CCDC171: variants seen among roughly 807,000 people sequenced by gnomAD.
CCDC171 encodes coiled-coil domain-containing protein 171.
Under a neutral mutation model 168.2 loss-of-function variants are expected in CCDC171, and 177 were observed. The observed-to-expected ratio is 1.05, with a 90% CI of 0.93 to 1.19. CCDC171 has a LOEUF of 1.19. Ranked by LOEUF, CCDC171 falls within the 50% of genes most tolerant of loss-of-function variation. The probability of loss-of-function intolerance (pLI) is 0.00; values close to 1 mark genes in which losing one functional copy is unlikely to be tolerated. For synonymous variants in CCDC171, 687 were observed against 540.8 expected (o/e 1.27, Z -3.75); for missense variants, 1,991 against 1,539.0 (o/e 1.29, Z -4.91).
intron 11 of CCDC171, among the ~76,000 whole-genome samples, chr9:15,709,479 G>A (rs766643242): frequency 2.6e-5 from 4 of 152,052 alleles, no homozygotes; most frequent in African/African-American, 9.7e-5. Flanking sequence ...ATAATATGGA[G>A]TACCAATGAA....
chr9:15,947,482 T>C (rs1295367348), intron 25 of CCDC171, among the ~76,000 whole-genome samples: 1 of 152,048 alleles, frequency 6.6e-6, no homozygotes, highest in Non-Finnish European at 1.5e-5. Context: ...CCTATTTCAC[T>C]TAGCATAATG....
intron 24 of CCDC171, among the ~76,000 whole-genome samples, chr9:15,895,686 T>G (rs1231282755): frequency 1.3e-5 from 2 of 152,102 alleles, no homozygotes; most frequent in African/African-American, 4.8e-5. Flanking sequence ...AGAACTAAAG[T>G]AATGAAGTTA....
At chr9:15,663,789 G>T (rs1393031168) in intron 8 of CCDC171, among the ~76,000 whole-genome samples, 1 of 151,886 alleles carries the variant, frequency 6.6e-6, no homozygotes, top group African/African-American at 2.4e-5. Flanking sequence ...TGTACTTTTA[G>T]TAGAGATGGG....
intron 2 of CCDC171, among the ~76,000 whole-genome samples, chr9:15,569,109 C>G (rs1027970340): frequency 1.3e-5 from 2 of 152,188 alleles, no homozygotes; most frequent in Non-Finnish European, 2.9e-5. Context: ...TCCTTGTTTT[C>G]TGAAATTTCC....
chr9:15,680,287 A>G (rs1432719007), intron 10 of CCDC171, among the ~76,000 whole-genome samples: 9 of 152,202 alleles, frequency 5.9e-5, no homozygotes, highest in African/African-American at 2.2e-4. Flanking sequence ...TGGAGGGTGT[A>G]AAGTTTATGG....
chr9:15,656,712 C>T (rs755065630), intron 7 of CCDC171, among the ~76,000 whole-genome samples: 1 of 151,950 alleles, frequency 6.6e-6, no homozygotes, highest in Non-Finnish European at 1.5e-5. Context: ...AAAGCAGATT[C>T]GTGATTACTT....
chr9:15,870,562 G>T (rs929247871), intron 23 of CCDC171, among the ~76,000 whole-genome samples: 12 of 151,734 alleles, frequency 7.9e-5, no homozygotes, highest in Non-Finnish European at 1.5e-4. Flanking sequence ...CTTCTTACAT[G>T]TGTTTTTAAG....
At chr9:15,594,331 A>G (rs563626663) in intron 6 of CCDC171, among the ~76,000 whole-genome samples, 159 bp downstream of exon 6, 1 of 152,182 alleles carries the variant, frequency 6.6e-6, no homozygotes, top group Admixed American at 6.6e-5. Context: ...CAATAGGGCA[A>G]CTGTTACCAA....
At chr9:15,931,997 A>G (rs1826578582) in intron 25 of CCDC171, among the ~76,000 whole-genome samples, 1 of 151,992 alleles carries the variant, frequency 6.6e-6, no homozygotes, top group African/African-American at 2.4e-5. Context: ...TGTTTTGCTT[A>G]CTATAGCTTT....
chr9:15,571,426 C>G (rs1450933866), intron 2 of CCDC171, among the ~76,000 whole-genome samples, 198 bp from the exon 3 acceptor site: 2 of 152,108 alleles, frequency 1.3e-5, no homozygotes, highest in Non-Finnish European at 2.9e-5. Context: ...TGCTAGGTAT[C>G]TATCTATATA....
intron 25 of CCDC171, among the ~76,000 whole-genome samples, chr9:15,950,388 C>A (rs560045565): frequency 5.3e-5 from 8 of 152,212 alleles, no homozygotes; most frequent in Admixed American, 4.6e-4. Context: ...GGTCGGGTTA[C>A]CCACAAGAGA....
chr9:15,865,245 T>C (rs991692165), intron 23 of CCDC171, among the ~76,000 whole-genome samples: 2 of 152,022 alleles, frequency 1.3e-5, no homozygotes, highest in Admixed American at 6.6e-5. Flanking sequence ...AACACAACAT[T>C]TATAATAATT....
At chr9:16,079,951 C>T in the CCDC171 span, among the ~76,000 whole-genome samples, 3 of 152,198 alleles carry the variant, frequency 2.0e-5, no homozygotes, top group African/African-American at 7.2e-5. Context: ...ATTCAATAAC[C>T]TGCCCAAAGT....
chr9:15,945,417 A>T (rs1398471947), intron 25 of CCDC171, among the ~76,000 whole-genome samples: 1 of 150,972 alleles, frequency 6.6e-6, no homozygotes, highest in Non-Finnish European at 1.5e-5. Context: ...GCTGGGTCAG[A>T]TGGTATTTCT....
Position 16,059,608 on chromosome 9 carries a change from A to G in CCDC171, n.90-1038A>G, listed in dbSNP as rs371298662. Among the ~76,000 whole-genome samples, 353 of 134,268 alleles carry G rather than the reference A, an allele frequency of 2.6e-3. 2 individuals are homozygous for G. Among genetic ancestry groups the G allele is most frequent in the Middle Eastern group, 9.4e-3 (2 of 212 alleles). The allele number at this position is 134,268 out of a possible 152,430, so 88.1% of individuals were successfully genotyped here. A position where few individuals can be genotyped will look rare whatever the true frequency, so the allele number is the denominator to read the frequency against. ...CGGCTCACTGCAAGCTCCGCTTCCC[A>G]GGTTCACGCCATTCTCCTGCCTCAG... On this transcript the variant is annotated intron_variant and non_coding_transcript_variant, in intron 1 of 1. Coordinates refer to the CCDC171 transcript ENST00000478913.
intron 6 of CCDC171, among the ~76,000 whole-genome samples, chr9:15,594,874 C>T (rs2042231027): frequency 6.6e-6 from 1 of 152,038 alleles, no homozygotes; most frequent in South Asian, 2.1e-4. Flanking sequence ...AGGTAATCCT[C>T]TTTAAGAAAA....
intron 8 of CCDC171, among the ~76,000 whole-genome samples, chr9:15,664,697 T>C (rs1564167259): frequency 6.9e-6 from 1 of 145,080 alleles, no homozygotes; most frequent in Non-Finnish European, 1.5e-5. Context: ...TAGTTTTGTT[T>C]TTTTTTTTTT....
chr9:15,730,398 C>T (rs1038885617), intron 16 of CCDC171, among the ~76,000 whole-genome samples: 1 of 151,856 alleles, frequency 6.6e-6, no homozygotes, highest in African/African-American at 2.4e-5. Flanking sequence ...CACAAATTAT[C>T]ATCAACATTA....
At position 15,591,473 on chromosome 9, in the gene CCDC171, G is replaced by C. The variant is rs1411729626; in HGVS notation, c.460G>C (p.Glu154Gln). 1 of 1,608,272 alleles carries C rather than the reference G, an allele frequency of 6.2e-7. No homozygotes were observed. The highest frequency in any genetic ancestry group is 2.2e-5 in the East Asian group (1 of 44,722). ...CAGAAGATTTGAACATGATTTGGAG[G>C]AAAGAGACAATATGATCCAAAATTG... ...ECRRFEHDLE[E>Q]RDNMIQNCNR... is the part of the protein sequence containing the mutation. Residue 154 changes from glutamate (E) to glutamine (Q), a missense_variant, in exon 5 of 26, where the codon GAA (glutamate) becomes CAA (glutamine). Coordinates refer to ENST00000380701, the MANE Select transcript of CCDC171 (RefSeq NM_173550.4).
Sources: allele counts gnomAD v4.1 joint callset (sites outside exome capture counted in the v4.1 genomes callset), GRCh38; gene constraint gnomAD v4.1.1; transcripts MANE v1.5; gene names NCBI Gene and HGNC (gene_info 2026-07-23, HGNC 2026-07-21).